PLXND1: variants seen among roughly 807,000 people sequenced by gnomAD.
PLXND1 encodes plexin-D1.
PLXND1 carries 54 observed loss-of-function variants against 197.7 expected under a neutral mutation model. The ratio of observed to expected loss-of-function variants is 0.27; its 90% CI spans 0.22 to 0.34. The LOEUF is 0.34. PLXND1 is among the 10% of genes least tolerant of loss of function. The pLI is 1.00. For synonymous variants in PLXND1, 1,180 were observed against 1,161.2 expected (o/e 1.02, Z -0.33); for missense variants, 2,127 against 2,699.2 (o/e 0.79, Z 4.70).
At chr3:129,601,478 C>T (rs1207575871) in intron 1 of PLXND1, among the ~76,000 whole-genome samples, 7 of 152,120 alleles carry the variant, frequency 4.6e-5, no homozygotes, top group Non-Finnish European at 1.0e-4. Flanking sequence ...CAAGCAGGAG[C>T]GAGAGGCTGG....
chr3:129,560,132 C>T (rs2085035750), intron 31 of PLXND1, among the ~76,000 whole-genome samples, 198 bp downstream of exon 31: 1 of 152,216 alleles, frequency 6.6e-6, no homozygotes, highest in African/African-American at 2.4e-5. Context: ...GGCATTTTTC[C>T]TGGCTGTGAG....
At chr3:129,594,149 G>A (rs1339031307) in intron 1 of PLXND1, among the ~76,000 whole-genome samples, 1 of 152,216 alleles carries the variant, frequency 6.6e-6, no homozygotes. Context: ...TTCCGTCACA[G>A]GTACAGACTG....
rs1407901744 is a variant in PLXND1 at position 129,572,626 on chromosome 3, G to T, written c.3060C>A (p.Asp1020Glu). The T allele has an allele frequency of 6.3e-7, 1 of 1,581,286 alleles. No individual in the cohort carries two copies. Residue 1020 changes from aspartate (D) to glutamate (E), a missense_variant, in exon 15 of 36, where the codon GAC (aspartate) becomes GAA (glutamate). Coordinates refer to ENST00000324093, the MANE Select transcript of PLXND1 (RefSeq NM_015103.3). ...AGGCTTACATCAGCTCCGTGCAGGG[G>T]TCTGTGTCGTTCACCAGGACCTGGA... is the stretch of plus-strand genomic sequence containing the variant. ...SELQVLVNDT[D>E]PCTELMRTDT...
intron 1 of PLXND1, among the ~76,000 whole-genome samples, chr3:129,603,330 C>CG (rs1690616588): frequency 6.6e-6 from 1 of 152,192 alleles, no homozygotes; most frequent in Admixed American, 6.5e-5. Context: ...GTCACTGCAC[C>CG]GAGGGAGCGG....
At chr3:129,604,715 C>A (rs1279369179) in intron 1 of PLXND1, among the ~76,000 whole-genome samples, 2 of 152,224 alleles carry the variant, frequency 1.3e-5, no homozygotes, top group East Asian at 3.8e-4. Flanking sequence ...TACCTGCGTC[C>A]CCTGCCACGC....
chr3:129,605,872 G>A lies in PLXND1; in HGVS notation c.768C>T (p.Asp256=), dbSNP rs772880149. The part of the protein sequence containing the change: ...RGDLAKLFTF[D]LNPSDDNILK... ...GGATGTTGTCGTCGGAGGGGTTGAG[G>A]TCGAAGGTGAAGAGCTTGGCCAGGT... Residue 256 remains aspartate, a synonymous_variant, in exon 1 of 36, where the codon GAC becomes GAT. Transcript: ENST00000324093. The A allele has an allele frequency of 4.3e-6, 7 of 1,613,800 alleles. No homozygotes were observed. The South Asian group carries it at 4.4e-5, about 10-fold the overall frequency.
At chr3:129,602,406 C>A (rs569164752) in intron 1 of PLXND1, among the ~76,000 whole-genome samples, 2 of 152,214 alleles carry the variant, frequency 1.3e-5, no homozygotes, top group African/African-American at 4.8e-5. Flanking sequence ...TCCTCTTCTC[C>A]GGCCTCACCT....
chr3:129,571,954 C>A, intron 15 of PLXND1, 110 bp from the exon 16 acceptor site: 2 of 998,198 alleles, frequency 2.0e-6, no homozygotes, highest in East Asian at 2.6e-5. Context: ...GGGTTCAAGG[C>A]CTCCTTGACT....
intron 1 of PLXND1, among the ~76,000 whole-genome samples, chr3:129,597,791 C>A (rs985244707): frequency 6.6e-6 from 1 of 152,246 alleles, no homozygotes; most frequent in Admixed American, 6.5e-5. Context: ...AAGAAAACGG[C>A]TGTACTTGGG....
At chr3:129,560,032 C>G (rs1267179438) in intron 31 of PLXND1, among the ~76,000 whole-genome samples, 1 of 152,234 alleles carries the variant, frequency 6.6e-6, no homozygotes. Flanking sequence ...GCCGGCGCTG[C>G]CACTGAGCCA....
At chr3:129,590,167 A>T (rs1415048446) in intron 1 of PLXND1, among the ~76,000 whole-genome samples, 1 of 152,118 alleles carries the variant, frequency 6.6e-6, no homozygotes, top group Non-Finnish European at 1.5e-5. Flanking sequence ...TCATCTGCCC[A>T]CATTACAGGG....
rs1560074733 is a variant in PLXND1 at position 129,583,616 on chromosome 3, T to A, written c.2192A>T (p.His731Leu). The A allele has an allele frequency of 1.2e-6, 2 of 1,608,254 alleles. No individual in the cohort carries two copies. Among genetic ancestry groups the A allele is most frequent in the Non-Finnish European group, 1.7e-6 (2 of 1,178,848 alleles). Residue 731 changes from histidine (H) to leucine (L), a missense_variant, in exon 8 of 36, where the codon CAC becomes CTC. His to Leu is a moderately conservative substitution (Grantham distance 99). Around this residue, in one of 6 missense-constraint regions of PLXND1, gnomAD observed 1,095 missense variants for 1,259.8 expected, o/e 0.87. Coordinates refer to ENST00000324093, the MANE Select transcript of PLXND1 (RefSeq NM_015103.3). ...CCGAGACTGGTTGGAAACACAGGAG[T>A]GCTGCTGGCTGCACCAGAAACAGGG... Reference protein sequence around the residue: ...QWPCFWCSQQHSCVSNQSRCE... With the variant: ...QWPCFWCSQQLSCVSNQSRCE...
rs1229668920 is a variant in PLXND1, at chr3:129,556,606, G to A, written c.5661+11C>T. On this transcript the variant is annotated intron_variant, in intron 35 of 35. Coordinates refer to ENST00000324093, the MANE Select transcript of PLXND1 (RefSeq NM_015103.3). ...ACCCCGAGGGCAGGTGCCTCACCCT[G>A]GGGCACTCACCTGCGGCCGATACCT... 6.2e-7 allele frequency: 1 copy of A among 1,603,414 alleles called. No homozygotes were observed. The highest frequency in any genetic ancestry group is 1.1e-5 in the South Asian group (1 of 90,542).
At chr3:129,601,029 G>A (rs1357467342) in intron 1 of PLXND1, among the ~76,000 whole-genome samples, 3 of 152,130 alleles carry the variant, frequency 2.0e-5, no homozygotes, top group Admixed American at 2.0e-4. Flanking sequence ...ACTTGGGGAA[G>A]GAAGGTAGAC....
At chr3:129,561,240 C>G (rs2085055317) in intron 29 of PLXND1, among the ~76,000 whole-genome samples, 1 of 152,152 alleles carries the variant, frequency 6.6e-6, no homozygotes. Context: ...AAGGGGACCC[C>G]GAGACCCAGA....
chr3:129,584,652 T>A, intron 5 of PLXND1, 90 bp from the exon 6 acceptor site: 1 of 1,234,032 alleles, frequency 8.1e-7, no homozygotes, highest in Non-Finnish European at 1.1e-6. Flanking sequence ...GGTCTGGCAC[T>A]GCCTGAATGT....
Position 129,557,294 on chromosome 3 carries a change from G to C in PLXND1, c.5446-71C>G. 1 of 1,562,992 alleles carries C rather than the reference G, an allele frequency of 6.4e-7. No individual in the cohort carries two copies. Among genetic ancestry groups the C allele is most frequent in the Non-Finnish European group, 8.8e-7 (1 of 1,139,266 alleles). On this transcript the variant is annotated intron_variant, in intron 33 of 35. Transcript: ENST00000324093. This position sits in a 1 kb window ranked among gnomAD's most constrained non-coding sequence, Gnocchi z 4.8. ...ACGGATCTGGTCGTTTTCTGGATGA[G>C]CCCTCATCCCTCCTGCCACATAAGT...
chr3:129,566,431 C>T, intron 23 of PLXND1, 96 bp downstream of exon 23: 2 of 787,082 alleles, frequency 2.5e-6, no homozygotes, highest in East Asian at 5.0e-5. Context: ...CTCCGCATGA[C>T]AGGGATCAAT....
chr3:129,570,654 CT>C (rs2085210155), intron 19 of PLXND1, 131 bp downstream of exon 19: 1 of 878,112 alleles, frequency 1.1e-6, no homozygotes, highest in Non-Finnish European at 1.8e-6. Context: ...ATGTAAAGCT[CT>C]GCTTTGCTGG....
Sources: allele counts gnomAD v4.1 joint callset (sites outside exome capture counted in the v4.1 genomes callset), GRCh38; gene constraint gnomAD v4.1.1; regional missense constraint gnomAD v4.1.1; non-coding constraint Gnocchi (gnomAD v3.1); transcripts MANE v1.5; gene names NCBI Gene and HGNC (gene_info 2026-07-23, HGNC 2026-07-21).